DTNB: variants seen among roughly 807,000 people sequenced by gnomAD.
The protein encoded by DTNB is dystrobrevin beta.
A neutral mutation model predicts 90.7 loss-of-function variants in DTNB; 63 were observed. That is an observed-to-expected ratio of 0.69 (90% CI 0.57 to 0.86). The LOEUF (loss-of-function observed/expected upper bound fraction) is 0.86, where lower values mean the gene tolerates loss of function less well. DTNB is among the 40% of genes least tolerant of loss of function. The pLI is 0.00. For missense variants in DTNB, 744 were observed against 807.1 expected, an observed-to-expected ratio of 0.92 and a Z score of 0.95; for synonymous variants, 277 against 286.7, an observed-to-expected ratio of 0.97 and a Z score of 0.34.
In DTNB at chr2:25,387,494, G is replaced by C. The variant is rs539548992; in HGVS notation, c.1736-116C>G. Reference sequence around the variant, plus strand: ...GAACACAGGTGTGGAACACCTAAGGGGAGATGGGGCCACAGCAGCTCCACC... The same window carrying C: ...GAACACAGGTGTGGAACACCTAAGGCGAGATGGGGCCACAGCAGCTCCACC... On this transcript the variant is annotated intron_variant, in intron 17 of 20. Coordinates refer to ENST00000406818, the MANE Select transcript of DTNB (RefSeq NM_021907.5). This position sits in a 1 kb window ranked among gnomAD's most constrained non-coding sequence, Gnocchi z 4.5. 1.8e-5 allele frequency: 17 copies of C among 931,730 alleles called. No homozygotes were observed. The highest frequency in any genetic ancestry group is 2.8e-5 in the Non-Finnish European group (17 of 615,944). 57.7% of individuals were successfully genotyped at this position (931,730 alleles called of 1,614,324 possible).
chr2:25,553,238 C>T (rs937668797), intron 8 of DTNB, among the ~76,000 whole-genome samples: 43 of 151,970 alleles, frequency 2.8e-4, no homozygotes, highest in African/African-American at 9.9e-4. Context: ...TGCCTATAGT[C>T]ATAGGCATGT....
chr2:25,388,114 A>G, intron 17 of DTNB, 88 bp downstream of exon 17: 1 of 1,522,504 alleles, frequency 6.6e-7, no homozygotes, highest in South Asian at 1.2e-5. Context: ...AAGAGCACAA[A>G]ACAGAAATGG....
At chr2:25,542,709 T>C (rs1324801064) in intron 8 of DTNB, among the ~76,000 whole-genome samples, 1 of 152,242 alleles carries the variant, frequency 6.6e-6, no homozygotes, top group African/African-American at 2.4e-5. Flanking sequence ...ATTATGTTAT[T>C]ATTTGGGTGT....
chr2:25,588,203 T>C (rs2062823388), intron 6 of DTNB, among the ~76,000 whole-genome samples: 1 of 151,950 alleles, frequency 6.6e-6, no homozygotes, highest in Non-Finnish European at 1.5e-5. Flanking sequence ...AAAAAGGCTC[T>C]AAAAAGCACC....
At position 25,650,973 on chromosome 2, in the gene DTNB, A is replaced by T. The variant is rs1052919462; in HGVS notation, c.67+1621T>A. Reference sequence around the variant, plus strand: ...GAGACTCCCTCTCAAAAAAAAAAAAAATAATAATAATAAGTAGCACAGATT... The same window carrying T: ...GAGACTCCCTCTCAAAAAAAAAAAATATAATAATAATAAGTAGCACAGATT... On this transcript the variant is annotated intron_variant, in intron 2 of 20. Coordinates refer to ENST00000406818, the MANE Select transcript of DTNB (RefSeq NM_021907.5). Among the ~76,000 whole-genome samples the T allele has an allele frequency of 4.1e-5, 6 of 148,106 alleles. No homozygotes were observed. In the East Asian group the frequency reaches 5.9e-4, roughly 15 times the overall value.
At chr2:25,434,963 A>G (rs1243984774) in intron 12 of DTNB, among the ~76,000 whole-genome samples, 1 of 152,188 alleles carries the variant, frequency 6.6e-6, no homozygotes, top group East Asian at 1.9e-4. Context: ...AAATTTTTTA[A>G]AAATTAAGAT....
At chr2:25,377,976 A>C (rs1280957154) in intron 20 of DTNB, among the ~76,000 whole-genome samples, 1 of 152,000 alleles carries the variant, frequency 6.6e-6, no homozygotes, top group Non-Finnish European at 1.5e-5. Flanking sequence ...GTTTCTCATC[A>C]CCCCTGATGT....
At chr2:25,463,155 T>C (rs2061274236) in intron 10 of DTNB, among the ~76,000 whole-genome samples, 1 of 152,176 alleles carries the variant, frequency 6.6e-6, no homozygotes, top group South Asian at 2.1e-4. Context: ...AAACCTAATA[T>C]GCTCAAAATA....
chr2:25,576,221 GTTTTTTTTTTT>G (rs57969480), intron 8 of DTNB, among the ~76,000 whole-genome samples: 1 of 97,548 alleles, frequency 1.0e-5, no homozygotes, highest in East Asian at 3.2e-4. Flanking sequence ...GAACAGTTTT[GTTTTTTTTTTT>G]TTTTTTTTTT....
intron 16 of DTNB, among the ~76,000 whole-genome samples, chr2:25,413,901 G>A (rs1365108556): frequency 6.6e-6 from 1 of 152,220 alleles, no homozygotes; most frequent in Admixed American, 6.5e-5. Context: ...CACCAACAGT[G>A]TAAAAGTGTT....
intron 4 of DTNB, among the ~76,000 whole-genome samples, chr2:25,613,041 A>C (rs1573418207): frequency 6.6e-6 from 1 of 152,244 alleles, no homozygotes; most frequent in East Asian, 1.9e-4. Flanking sequence ...AAAAAAGGGA[A>C]GAAACACTTC....
At chr2:25,464,015 C>T (rs1012079750) in intron 10 of DTNB, among the ~76,000 whole-genome samples, 10 of 152,226 alleles carry the variant, frequency 6.6e-5, no homozygotes, top group Admixed American at 4.6e-4. Flanking sequence ...AAACGATTCT[C>T]GTGCCTCAGC....
chr2:25,604,795 G>A (rs1559201583), intron 5 of DTNB, among the ~76,000 whole-genome samples: 1 of 152,102 alleles, frequency 6.6e-6, no homozygotes, highest in Non-Finnish European at 1.5e-5. Context: ...TCACCATGTT[G>A]GCCAGGCTGG....
intron 6 of DTNB, among the ~76,000 whole-genome samples, chr2:25,585,554 TAACCCCTTA>T (rs1279727162): frequency 6.6e-6 from 1 of 151,912 alleles, no homozygotes; most frequent in Non-Finnish European, 1.5e-5. Context: ...GGGAGAGGAG[TAACCCCTTA>T]AAAATGAAAA....
intron 19 of DTNB, 191 bp downstream of exon 19, chr2:25,383,645 T>G: frequency 8.2e-7 from 1 of 1,220,036 alleles, no homozygotes; most frequent in Non-Finnish European, 1.1e-6. Flanking sequence ...AAGCTCTTGG[T>G]GATCGACTGA....
chr2:25,539,892 A>C (rs1298621903), intron 8 of DTNB, among the ~76,000 whole-genome samples: 1 of 152,158 alleles, frequency 6.6e-6, no homozygotes, highest in Non-Finnish European at 1.5e-5. Context: ...TAATGTCTTG[A>C]TAGGCATCAG....
At chr2:25,532,186 A>G (rs1410073746) in intron 8 of DTNB, among the ~76,000 whole-genome samples, 1 of 150,106 alleles carries the variant, frequency 6.7e-6, no homozygotes, top group Non-Finnish European at 1.5e-5. Context: ...CGGAGGTTGC[A>G]GTGAGCCAAG....
At chr2:25,624,368 C>T (rs1251323890) in intron 4 of DTNB, among the ~76,000 whole-genome samples, 1 of 152,206 alleles carries the variant, frequency 6.6e-6, no homozygotes, top group African/African-American at 2.4e-5. Context: ...TACTTCTGCT[C>T]GGTGTTCAAA....
At chr2:25,650,972 A>T (rs858662) in intron 2 of DTNB, among the ~76,000 whole-genome samples, 8,592 of 148,608 alleles carry the variant, frequency 0.058, 296 homozygotes, top group African/African-American at 0.1. Flanking sequence ...AAAAAAAAAA[A>T]AATAATAATA....
Sources: allele counts gnomAD v4.1 joint callset (sites outside exome capture counted in the v4.1 genomes callset), GRCh38; gene constraint gnomAD v4.1.1; non-coding constraint Gnocchi (gnomAD v3.1); transcripts MANE v1.5; gene names NCBI Gene and HGNC (gene_info 2026-07-23, HGNC 2026-07-21).